USH2A: variants seen among roughly 807,000 people sequenced by gnomAD.
USH2A encodes usherin.
USH2A carries 443 observed loss-of-function variants against 538.9 expected under a neutral mutation model. The observed-to-expected ratio is 0.82, with a 90% confidence interval of 0.76 to 0.89. USH2A has a LOEUF of 0.89. Among genes scored for constraint, USH2A ranks in the 40% least tolerant of loss-of-function variants. The pLI, the probability that USH2A is intolerant of heterozygous loss-of-function variation, is 0.00. For missense variants in USH2A, 6,633 were observed against 6,324.8 expected, an observed-to-expected ratio of 1.05 and a Z score of -1.65; for synonymous variants, 2,413 against 2,273.5, an observed-to-expected ratio of 1.06 and a Z score of -1.75.
Position 215,845,857 on chromosome 1 carries a change from T to C in USH2A, c.9022A>G (p.Ser3008Gly), listed in dbSNP as rs1663827895. 1 of 1,613,790 alleles carries C rather than the reference T, an allele frequency of 6.2e-7. No homozygotes were observed. The highest frequency in any genetic ancestry group is 1.7e-5 in the Admixed American group (1 of 59,896). The change falls in exon 45 of 72, where the codon AGT (serine) becomes GGT (glycine). Residue 3008 changes from serine (S) to glycine (G), a missense_variant. Coordinates refer to ENST00000307340, the MANE Select transcript of USH2A (RefSeq NM_206933.4). ...SVFNGVHSIN[S>G]AGLHATTCDG... ...CAAGTGGTTGCATGAAGTCCTGCAC[T>C]GTTGATGCTGTGGACTCCATTGAAG... is the stretch of plus-strand genomic sequence containing the variant.
intron 54 of USH2A, among the ~76,000 whole-genome samples, chr1:215,780,796 G>C (rs1355916450): frequency 6.6e-6 from 1 of 152,210 alleles, no homozygotes; most frequent in Non-Finnish European, 1.5e-5. Flanking sequence ...CTATCTAAAT[G>C]GTGGCTCACT....
intron 31 of USH2A, among the ~76,000 whole-genome samples, chr1:216,047,999 A>T (rs1207499022): frequency 6.6e-6 from 1 of 152,206 alleles, no homozygotes; most frequent in Non-Finnish European, 1.5e-5. Context: ...TTCCAAGTAC[A>T]ACAGAAGTGA....
intron 37 of USH2A, among the ~76,000 whole-genome samples, chr1:215,959,488 T>TA (rs1472316759): frequency 6.6e-6 from 1 of 152,102 alleles, no homozygotes; most frequent in African/African-American, 2.4e-5. Flanking sequence ...AAAAGTCACC[T>TA]AAAACCTGTT....
intron 40 of USH2A, among the ~76,000 whole-genome samples, chr1:215,894,090 G>C (rs1183954583): frequency 3.3e-5 from 5 of 152,020 alleles, no homozygotes; most frequent in African/African-American, 1.2e-4. Context: ...CTGAATTACT[G>C]TTTGAAAGGA....
chr1:216,253,331 AT>A (rs1168084994), intron 11 of USH2A, among the ~76,000 whole-genome samples: 15 of 152,010 alleles, frequency 9.9e-5, no homozygotes, highest in Non-Finnish European at 2.1e-4. Context: ...GGCACGGCTA[AT>A]TTTTTATCTT....
intron 35 of USH2A, among the ~76,000 whole-genome samples, chr1:215,973,959 C>CACACACAT: frequency 6.6e-6 from 1 of 151,578 alleles, no homozygotes; most frequent in Non-Finnish European, 1.5e-5. Flanking sequence ...CACACACACA[C>CACACACAT]ACACACACAC....
At chr1:216,264,591 C>A (rs1210285599) in intron 11 of USH2A, among the ~76,000 whole-genome samples, 2 of 152,154 alleles carry the variant, frequency 1.3e-5, no homozygotes, top group African/African-American at 4.8e-5. Context: ...AGCCACCCCA[C>A]TGAGCTAGAC....
At chr1:216,187,247 G>T (rs947021533) in intron 20 of USH2A, among the ~76,000 whole-genome samples, 11 of 151,388 alleles carry the variant, frequency 7.3e-5, no homozygotes, top group African/African-American at 2.7e-4. Flanking sequence ...AGCACATGTC[G>T]CCATGGTGTT....
Position 215,624,091 on chromosome 1 carries a change from C to T in USH2A, c.*1690G>A, listed in dbSNP as rs1655908910. ...AGTAAACTAGTCAATCCTATGTTTT[C>T]ATTTCAGAAAGTATAAAAACTTGGC... On this transcript the variant is annotated 3_prime_UTR_variant, in exon 72 of 72. Coordinates refer to ENST00000307340, the MANE Select transcript of USH2A (RefSeq NM_206933.4). 1 of 152,148 alleles carries T rather than the reference C, an allele frequency of 6.6e-6. No individual in the cohort carries two copies. Among genetic ancestry groups the T allele is most frequent in the African/African-American group, 2.4e-5 (1 of 41,446 alleles). The allele number at this position is 152,148 out of a possible 1,614,324, so 9.4% of individuals were successfully genotyped here. A position where few individuals can be genotyped will look rare whatever the true frequency, so the allele number is the denominator to read the frequency against.
At chr1:215,842,649 T>C (rs949538903) in intron 46 of USH2A, among the ~76,000 whole-genome samples, 13 of 150,444 alleles carry the variant, frequency 8.6e-5, no homozygotes, top group Non-Finnish European at 1.8e-4. Flanking sequence ...TGAGATCATG[T>C]CCTTTACAGG....
intron 67 of USH2A, among the ~76,000 whole-genome samples, chr1:215,644,384 C>A (rs1205251598): frequency 6.6e-6 from 1 of 151,990 alleles, no homozygotes; most frequent in Non-Finnish European, 1.5e-5. Context: ...TAGGAGGTGA[C>A]CACTGGAGTT....
At chr1:215,743,360 A>AG in intron 58 of USH2A, 25 bp from the exon 59 acceptor site, 2 of 1,260,666 alleles carry the variant, frequency 1.6e-6, no homozygotes, top group Non-Finnish European at 2.2e-6. Context: ...AGAGAGAGAG[A>AG]ACATTAAAAA....
At chr1:216,020,926 AG>A (rs35297195) in intron 32 of USH2A, among the ~76,000 whole-genome samples, 1 of 152,252 alleles carries the variant, frequency 6.6e-6, no homozygotes, top group East Asian at 1.9e-4. Flanking sequence ...AACCCTGAAG[AG>A]GGGGTTGTGG....
At chr1:215,785,716 C>T (rs1050138691) in intron 52 of USH2A, among the ~76,000 whole-genome samples, 1 of 152,126 alleles carries the variant, frequency 6.6e-6, no homozygotes, top group African/African-American at 2.4e-5. Flanking sequence ...TCAACCTTAT[C>T]TCTGTTCCTT....
intron 61 of USH2A, among the ~76,000 whole-genome samples, chr1:215,701,431 C>T (rs1033188529): frequency 3.9e-5 from 6 of 152,226 alleles, no homozygotes; most frequent in Middle Eastern, 3.4e-3. Context: ...TAAAGTCTCT[C>T]ACTATTATTC....
intron 38 of USH2A, among the ~76,000 whole-genome samples, chr1:215,905,539 A>G (rs1366517087): frequency 6.6e-6 from 1 of 152,058 alleles, no homozygotes; most frequent in Non-Finnish European, 1.5e-5. Flanking sequence ...CTGTATCACC[A>G]AAAAAAGAGT....
rs759067576 is a variant in USH2A at position 215,771,579 on chromosome 1, CAAAAAAAAAAAAAAAAAAAAAAAAAAAA to C, written c.10940-4819_10940-4792del. On this transcript the variant is annotated intron_variant, in intron 55 of 71. Coordinates refer to ENST00000307340, the MANE Select transcript of USH2A (RefSeq NM_206933.4). ...TGGGCGACAGAGCGAGACTCCGTCT[CAAAAAAAAAAAAAAAAAAAAAAAAAAAA>C]AAAAAAAAAAAAAAAAATTCAAGTG... is the stretch of plus-strand genomic sequence containing the variant. 2.0e-4 allele frequency among the ~76,000 whole-genome samples: 9 copies of C among 44,000 alleles called. No individual in the cohort carries two copies. In the East Asian group the frequency reaches 3.4e-3, roughly 16 times the overall value. 28.9% of individuals were successfully genotyped at this position (44,000 alleles called of 152,430 possible).
chr1:216,217,270 T>C, intron 15 of USH2A, 117 bp downstream of exon 15: 4 of 1,323,962 alleles, frequency 3.0e-6, no homozygotes, highest in Non-Finnish European at 4.2e-6. Flanking sequence ...CTTACCTACG[T>C]TCTTCACATT....
intron 3 of USH2A, among the ~76,000 whole-genome samples, chr1:216,379,499 T>C (rs2038894211): frequency 6.6e-6 from 1 of 152,064 alleles, no homozygotes; most frequent in South Asian, 2.1e-4. Context: ...AAGAAGTATA[T>C]ACAAGTGCTA....
Sources: gnomAD v4.1 joint callset for allele counts (sites outside exome capture counted in the v4.1 genomes callset) on GRCh38, gnomAD v4.1.1 for gene constraint, MANE v1.5 for transcripts, NCBI Gene and HGNC (gene_info 2026-07-23, HGNC 2026-07-21) for gene names.